Variants in RBMS3 observed in about 807,000 individuals in gnomAD.
The protein encoded by RBMS3 is RNA-binding motif, single-stranded-interacting protein 3.
Under a neutral mutation model 66.8 loss-of-function variants are expected in RBMS3, and 27 were observed. The observed-to-expected ratio is 0.40, with a 90% CI of 0.30 to 0.56. The LOEUF is 0.56. Among genes scored for constraint, RBMS3 ranks in the 20% least tolerant of loss-of-function variants. RBMS3 has a pLI of 0.40. For synonymous variants in RBMS3, 188 were observed against 183.0 expected (o/e 1.03, Z -0.22); for missense variants, 513 against 549.5 (o/e 0.93, Z 0.66).
Position 29,543,454 on chromosome 3 carries a change from A to G in RBMS3, c.308-43660A>G, listed in dbSNP as rs186811869. Among the ~76,000 whole-genome samples, 82 of 152,336 alleles carry G rather than the reference A, an allele frequency of 5.4e-4. 2 individuals carry two copies. In the South Asian group the frequency reaches 0.013, roughly 25 times the overall value. ...CTGGGCAAGGTGGCTAACGCCTGTA[A>G]TCCCAGCACTTTGGGAGGCTGAAGC... On this transcript the variant is annotated intron_variant, in intron 3 of 14. Transcript: ENST00000383767.
At chr3:29,705,645 C>T (rs2052850415) in intron 4 of RBMS3, among the ~76,000 whole-genome samples, 1 of 152,116 alleles carries the variant, frequency 6.6e-6, no homozygotes. Flanking sequence ...ATTGACTCAC[C>T]TGTCCACCCT....
chr3:29,842,634 G>C (rs2058688654), intron 6 of RBMS3, among the ~76,000 whole-genome samples: 1 of 152,160 alleles, frequency 6.6e-6, no homozygotes. Context: ...GTAATCTCCA[G>C]AACGTGTGAA....
chr3:29,762,914 G>A lies in RBMS3; in HGVS notation c.562G>A (p.Glu188Lys). The stretch of plus-strand genomic sequence containing the variant: ...TGGTTTACCTTTTTTTCCCAGAATG[G>A]AGTCTACTGAAAAATGTGAAGTGGT... ...VSRGVGFARM[E>K]STEKCEVVIQ... is the part of the protein sequence containing the mutation. Residue 188 changes from glutamate (E) to lysine (K), a missense_variant, in exon 6 of 15, where the codon GAG (glutamate) becomes AAG (lysine). Glu to Lys is a moderately conservative substitution (Grantham distance 56). Transcript: ENST00000383767. The A allele has an allele frequency of 6.2e-7, 1 of 1,602,320 alleles. No individual in the cohort carries two copies.
intron 3 of RBMS3, among the ~76,000 whole-genome samples, chr3:29,514,971 C>T (rs1308545478): frequency 2.6e-5 from 4 of 152,020 alleles, no homozygotes; most frequent in Non-Finnish European, 5.9e-5. Context: ...CAGCATTTCA[C>T]AGATGAGGGT....
chr3:29,313,715 G>A lies in RBMS3; in HGVS notation c.75+31959G>A, dbSNP rs1391033280. On this transcript the variant is annotated intron_variant, in intron 1 of 14. Transcript: ENST00000383767. ...TTGTCAATATTTGTTAAAAAGGCAT[G>A]ATGCTTACTAGAGGACAGCATTGGT... 1.7e-4 allele frequency among the ~76,000 whole-genome samples: 26 copies of A among 151,708 alleles called. 1 individual carries two copies. In the Admixed American group the frequency reaches 1.7e-3, roughly 10 times the overall value.
chr3:29,375,417 A>G (rs2038415373), intron 1 of RBMS3, among the ~76,000 whole-genome samples: 1 of 152,222 alleles, frequency 6.6e-6, no homozygotes. Flanking sequence ...TGAACAGACA[A>G]CCTACGGAAT....
intron 4 of RBMS3, among the ~76,000 whole-genome samples, chr3:29,689,976 A>G (rs902921036): frequency 1.4e-5 from 2 of 141,352 alleles, no homozygotes; most frequent in Non-Finnish European, 3.1e-5. Flanking sequence ...GGGAGATGCT[A>G]TTACTGTTTC....
At chr3:29,534,662 G>A (rs2045485084) in intron 3 of RBMS3, among the ~76,000 whole-genome samples, 1 of 152,168 alleles carries the variant, frequency 6.6e-6, no homozygotes, top group Non-Finnish European at 1.5e-5. Context: ...TTTGGATCAT[G>A]AAGATATTTA....
At chr3:29,808,725 CTTGA>C (rs1342404876) in intron 6 of RBMS3, among the ~76,000 whole-genome samples, 1 of 151,830 alleles carries the variant, frequency 6.6e-6, no homozygotes, top group East Asian at 1.9e-4. Flanking sequence ...CTGTCACCTG[CTTGA>C]TTATCACTTA....
intron 4 of RBMS3, among the ~76,000 whole-genome samples, chr3:29,697,722 A>G (rs1173862732): frequency 6.6e-6 from 1 of 152,210 alleles, no homozygotes; most frequent in Non-Finnish European, 1.5e-5. Context: ...CATAATCTGA[A>G]GGTAATTTTA....
At chr3:29,751,287 T>C (rs532818330) in intron 5 of RBMS3, among the ~76,000 whole-genome samples, 1 of 152,186 alleles carries the variant, frequency 6.6e-6, no homozygotes, top group Non-Finnish European at 1.5e-5. Context: ...TAATAAAACA[T>C]TATGACCAAA....
intron 1 of RBMS3, among the ~76,000 whole-genome samples, chr3:29,396,328 A>G (rs891544132): frequency 6.6e-6 from 1 of 152,156 alleles, no homozygotes; most frequent in Non-Finnish European, 1.5e-5. Context: ...AACCAAAGAC[A>G]TGTTCCAGGT....
intron 1 of RBMS3, among the ~76,000 whole-genome samples, chr3:29,341,250 A>G (rs1363173954): frequency 6.6e-6 from 1 of 152,158 alleles, no homozygotes; most frequent in Non-Finnish European, 1.5e-5. Flanking sequence ...AAATTATGAA[A>G]TACAGAAGAA....
intron 1 of RBMS3, among the ~76,000 whole-genome samples, chr3:29,337,951 C>T (rs1441943571): frequency 6.6e-6 from 1 of 152,118 alleles, no homozygotes; most frequent in Non-Finnish European, 1.5e-5. Context: ...CTGTTGACTA[C>T]CTTATAACCT....
intron 10 of RBMS3, among the ~76,000 whole-genome samples, chr3:29,928,370 A>ATCTT (rs10692798): frequency 0.85 from 128,038 of 150,946 alleles, 54,463 homozygotes; most frequent in East Asian, 0.99. Flanking sequence ...TTTTCTTTCT[A>ATCTT]AAAAAAGTAT....
At position 29,444,674 on chromosome 3, in the gene RBMS3, G is replaced by T. The variant is rs373002651; in HGVS notation, c.248+9759G>T. Among the ~76,000 whole-genome samples, 20 of 151,908 alleles carry T rather than the reference G, an allele frequency of 1.3e-4. No homozygotes were observed. In the South Asian group the frequency reaches 4.0e-3, roughly 30 times the overall value. ...AGTTACATTTGGGTTTGGCAACATCGAGGTCATTGGAAAACTTGAGCAGGA... is the reference window on the plus strand; with the variant it reads ...AGTTACATTTGGGTTTGGCAACATCTAGGTCATTGGAAAACTTGAGCAGGA... On this transcript the variant is annotated intron_variant, in intron 2 of 14. Transcript: ENST00000383767.
intron 1 of RBMS3, among the ~76,000 whole-genome samples, chr3:29,293,632 G>T (rs917518667): frequency 6.6e-6 from 1 of 151,738 alleles, no homozygotes; most frequent in African/African-American, 2.4e-5. Flanking sequence ...TATTTAGGAT[G>T]GCTGTCTGAT....
Position 29,450,902 on chromosome 3 carries a change from TACACACAC to T in RBMS3, c.248+16010_248+16017del, listed in dbSNP as rs140249632. 8.4e-3 allele frequency among the ~76,000 whole-genome samples: 717 copies of T among 85,380 alleles called. 10 individuals are homozygous for T. Among genetic ancestry groups the T allele is most frequent in the African/African-American group, 0.033 (670 of 20,044 alleles). 56.0% of individuals were successfully genotyped at this position (85,380 alleles called of 152,430 possible). A position where few individuals can be genotyped will look rare whatever the true frequency, so the allele number is the denominator to read the frequency against. ...GTAACAGTCTACCTCAACACACAGATACACACACACACACACACACACACACACACCCC... is the reference window on the plus strand; with the variant it reads ...GTAACAGTCTACCTCAACACACAGATACACACACACACACACACACACCCC... On this transcript the variant is annotated intron_variant, in intron 2 of 14. Transcript: ENST00000383767.
chr3:29,479,629 A>G (rs2043064107), intron 2 of RBMS3, among the ~76,000 whole-genome samples: 2 of 152,220 alleles, frequency 1.3e-5, no homozygotes. Flanking sequence ...ATAAGTCAAA[A>G]CATGGAATTT....
Sources: gnomAD v4.1 joint callset for allele counts (sites outside exome capture counted in the v4.1 genomes callset) on GRCh38, gnomAD v4.1.1 for gene constraint, MANE v1.5 for transcripts, NCBI Gene and HGNC (gene_info 2026-07-23, HGNC 2026-07-21) for gene names.